The following NRG3 variants were observed in gnomAD, a reference collection of about 807,000 sequenced individuals.
NRG3 encodes pro-neuregulin-3, membrane-bound isoform.
A neutral mutation model predicts 66.9 loss-of-function variants in NRG3; 31 were observed. The ratio of observed to expected loss-of-function variants is 0.46; its 90% CI spans 0.35 to 0.63. The LOEUF is 0.63. Ranked by LOEUF, NRG3 falls within the 20% of genes least tolerant of loss-of-function variation. The pLI, the probability that NRG3 is intolerant of heterozygous loss-of-function variation, is 0.00. For missense variants in NRG3, 910 were observed against 878.9 expected, an observed-to-expected ratio of 1.04 and a Z score of -0.45; for synonymous variants, 393 against 359.4, an observed-to-expected ratio of 1.09 and a Z score of -1.06.
intron 2 of NRG3, among the ~76,000 whole-genome samples, chr10:82,538,380 A>G (rs1020327081): frequency 2.0e-5 from 3 of 152,190 alleles, no homozygotes; most frequent in Admixed American, 2.0e-4. Context: ...TTGATTACAC[A>G]TTTCAACTAG....
At chr10:82,714,171 A>T (rs142813511) in intron 2 of NRG3, among the ~76,000 whole-genome samples, 167 of 152,350 alleles carry the variant, frequency 1.1e-3, no homozygotes, top group African/African-American at 3.7e-3. Flanking sequence ...TACATGCAAT[A>T]TGCTGTGACT....
intron 2 of NRG3, among the ~76,000 whole-genome samples, chr10:82,362,615 C>T (rs1414781818): frequency 7.1e-6 from 1 of 141,108 alleles, no homozygotes; most frequent in Non-Finnish European, 1.5e-5. Flanking sequence ...GTCTCCAACT[C>T]CTGGACTTAA....
intron 2 of NRG3, among the ~76,000 whole-genome samples, chr10:82,614,123 C>CTCCTG (rs58983493): frequency 0.27 from 40,317 of 151,640 alleles, 6,536 homozygotes; most frequent in East Asian, 0.56. Context: ...TGGTCTCAAA[C>CTCCTG]TCCTGACCTT....
intron 2 of NRG3, among the ~76,000 whole-genome samples, chr10:82,465,781 G>A (rs955830109): frequency 2.4e-4 from 37 of 152,116 alleles, no homozygotes; most frequent in African/African-American, 7.7e-4. Context: ...CTGGTTGTGG[G>A]GTAGAGCCAT....
At chr10:82,417,924 C>T (rs746802479) in intron 2 of NRG3, among the ~76,000 whole-genome samples, 2 of 152,160 alleles carry the variant, frequency 1.3e-5, no homozygotes, top group Non-Finnish European at 2.9e-5. Flanking sequence ...AATGAGAAAG[C>T]TCAATGAGTG....
intron 1 of NRG3, among the ~76,000 whole-genome samples, chr10:82,102,828 A>G (rs1439509243): frequency 6.6e-6 from 1 of 151,952 alleles, no homozygotes; most frequent in East Asian, 1.9e-4. Flanking sequence ...TTCTATCTAT[A>G]TACATTGAAA....
chr10:82,916,242 A>G (rs1845820976), intron 4 of NRG3, among the ~76,000 whole-genome samples: 2 of 152,166 alleles, frequency 1.3e-5, no homozygotes, highest in Admixed American at 6.5e-5. Context: ...GCTTGAGCCC[A>G]GAAGTTCAAG....
intron 1 of NRG3, among the ~76,000 whole-genome samples, chr10:82,169,824 C>T (rs889032633): frequency 1.3e-5 from 2 of 151,150 alleles, no homozygotes; most frequent in African/African-American, 4.9e-5. Context: ...TCTGTTTTTT[C>T]TGAGTCTATT....
At chr10:82,315,667 GT>G (rs754250306) in intron 1 of NRG3, among the ~76,000 whole-genome samples, 222 of 136,340 alleles carry the variant, frequency 1.6e-3, no homozygotes, top group African/African-American at 2.2e-3. Context: ...TACGTTTGTT[GT>G]TTTTTTTTTT....
At chr10:81,894,256 G>C (rs186797409) in intron 1 of NRG3, among the ~76,000 whole-genome samples, 1 of 152,102 alleles carries the variant, frequency 6.6e-6, no homozygotes, top group Non-Finnish European at 1.5e-5. Context: ...CAGGAGAATC[G>C]CTTGAACCCA....
chr10:82,822,758 G>T (rs342390), intron 3 of NRG3, among the ~76,000 whole-genome samples: 29,371 of 151,894 alleles, frequency 0.19, 3,069 homozygotes, highest in East Asian at 0.32. Context: ...TCACTAACCT[G>T]TCCTGGAGTC....
At chr10:82,219,752 C>CT (rs1469131038) in intron 1 of NRG3, among the ~76,000 whole-genome samples, 7 of 152,040 alleles carry the variant, frequency 4.6e-5, no homozygotes, top group African/African-American at 1.7e-4. Context: ...TCTCAATAGT[C>CT]TTATTATTCG....
At chr10:82,427,342 G>A (rs1223792573) in intron 2 of NRG3, among the ~76,000 whole-genome samples, 1 of 152,118 alleles carries the variant, frequency 6.6e-6, no homozygotes, top group Non-Finnish European at 1.5e-5. Flanking sequence ...ATGAGTGTGT[G>A]AAAGTTCTTT....
chr10:82,085,787 C>T (rs926676749), intron 1 of NRG3, among the ~76,000 whole-genome samples: 1 of 152,062 alleles, frequency 6.6e-6, no homozygotes, highest in African/African-American at 2.4e-5. Context: ...CAGGTGCCTG[C>T]CATCAGGCCC....
intron 1 of NRG3, among the ~76,000 whole-genome samples, chr10:81,911,537 G>T (rs1395076728): frequency 2.7e-5 from 4 of 149,494 alleles, no homozygotes. Context: ...AGCAGGTCAA[G>T]TCCCATTTGC....
chr10:82,966,821 T>A (rs553535208), intron 6 of NRG3, among the ~76,000 whole-genome samples: 4 of 152,326 alleles, frequency 2.6e-5, no homozygotes, highest in Non-Finnish European at 5.9e-5. Context: ...GTAAATACTA[T>A]GTTACGTTCT....
intron 3 of NRG3, among the ~76,000 whole-genome samples, chr10:82,844,476 C>G (rs1404948973): frequency 6.6e-6 from 1 of 152,154 alleles, no homozygotes; most frequent in African/African-American, 2.4e-5. Context: ...GAATCCCAAA[C>G]TGGAGTTCAA....
At chr10:82,473,153 A>T (rs1010378255) in intron 2 of NRG3, among the ~76,000 whole-genome samples, 1 of 152,174 alleles carries the variant, frequency 6.6e-6, no homozygotes, top group African/African-American at 2.4e-5. Flanking sequence ...AGACAGTGTG[A>T]TGTCTGTGCG....
rs114321252 is a variant in NRG3 at position 82,107,512 on chromosome 10, A to T, written c.823+231349A>T. On this transcript the variant is annotated intron_variant, in intron 1 of 8. Coordinates refer to ENST00000372141, the MANE Select transcript of NRG3 (RefSeq NM_001010848.4). ...CTCCACAGACTATTTTACTTATTTT[A>T]AAAAAAATTTTACAGGTGGAAAAAC... Among the ~76,000 whole-genome samples the T allele has an allele frequency of 4.3e-3, 660 of 152,062 alleles. 5 individuals carry two copies. The highest frequency in any genetic ancestry group is 0.015 in the African/African-American group (610 of 41,376).
Sources: gnomAD v4.1 joint callset for allele counts (sites outside exome capture counted in the v4.1 genomes callset) on GRCh38, gnomAD v4.1.1 for gene constraint, MANE v1.5 for transcripts, NCBI Gene and HGNC (gene_info 2026-07-23, HGNC 2026-07-21) for gene names.